CRPPA: variants seen among roughly 807,000 people sequenced by gnomAD.
CRPPA encodes the protein D-ribitol-5-phosphate cytidylyltransferase.
In CRPPA, 43 loss-of-function variants were observed where a neutral mutation model predicts 52.0. That is an observed-to-expected ratio of 0.83 (90% confidence interval 0.65 to 1.07). The LOEUF (loss-of-function observed/expected upper bound fraction) is 1.07. CRPPA is among the 50% of genes least tolerant of loss of function. CRPPA has a pLI of 0.00. For synonymous variants in CRPPA, 250 were observed against 203.5 expected (o/e 1.23, Z -1.94); for missense variants, 629 against 551.7 (o/e 1.14, Z -1.40).
chr7:16,217,966 A>G (rs955574575), intron 8 of CRPPA, among the ~76,000 whole-genome samples: 5 of 150,472 alleles, frequency 3.3e-5, no homozygotes, highest in African/African-American at 9.7e-5. Flanking sequence ...CCTCGAGAAG[A>G]GCAACTCCAA....
At chr7:16,145,831 T>G (rs1782964108) in intron 9 of CRPPA, among the ~76,000 whole-genome samples, 2 of 152,026 alleles carry the variant, frequency 1.3e-5, no homozygotes, top group African/African-American at 4.8e-5. Context: ...TGAAACATCA[T>G]CAAATTAAGC....
At chr7:16,153,380 T>C (rs1442386220) in intron 9 of CRPPA, among the ~76,000 whole-genome samples, 1 of 152,060 alleles carries the variant, frequency 6.6e-6, no homozygotes, top group Non-Finnish European at 1.5e-5. Flanking sequence ...CTAAAAGTTT[T>C]TTTAAAAAAA....
rs71007743 is a variant in CRPPA, at chr7:16,089,635, A to AT, written c.*2059dup. The AT allele has an allele frequency of 3.9e-4, 78 of 198,096 alleles. No homozygotes were observed. Among genetic ancestry groups the AT allele is most frequent in the South Asian group, 1.2e-3 (17 of 14,764 alleles). The allele number at this position is 198,096 out of a possible 1,614,324, so 12.3% of individuals were successfully genotyped here. A position where few individuals can be genotyped will look rare whatever the true frequency, so the allele number is the denominator to read the frequency against. Reference sequence around the variant, plus strand: ...TACATACATGTATATGTATGTATGTATTTTTTTTTCCCAATGCTGTGAATT... The same window carrying AT: ...TACATACATGTATATGTATGTATGTATTTTTTTTTTCCCAATGCTGTGAATT... On this transcript the variant is annotated 3_prime_UTR_variant, in exon 10 of 10. Transcript: ENST00000407010.
At chr7:16,131,590 T>G (rs1278276488) in intron 9 of CRPPA, among the ~76,000 whole-genome samples, 4 of 152,036 alleles carry the variant, frequency 2.6e-5, no homozygotes, top group African/African-American at 9.7e-5. Context: ...TCCACCTAGA[T>G]TTTTCTTTTT....
intron 3 of CRPPA, among the ~76,000 whole-genome samples, chr7:16,321,005 A>G (rs1785253832): frequency 6.6e-6 from 1 of 152,160 alleles, no homozygotes; most frequent in South Asian, 2.1e-4. Flanking sequence ...GGCAGAGACA[A>G]TTATATTCAC....
intron 9 of CRPPA, among the ~76,000 whole-genome samples, chr7:16,123,786 A>C (rs1037423130): frequency 2.6e-5 from 4 of 152,168 alleles, no homozygotes; most frequent in African/African-American, 4.8e-5. Context: ...AAAAACAGCT[A>C]AACAAACAAA....
At chr7:16,119,317 A>G (rs1210043186) in intron 9 of CRPPA, among the ~76,000 whole-genome samples, 1 of 152,154 alleles carries the variant, frequency 6.6e-6, no homozygotes, top group Non-Finnish European at 1.5e-5. Context: ...GCTGAATTGA[A>G]TCACACATCT....
rs369166577 is a variant in CRPPA, at chr7:16,334,145, A to C, written c.685-25518T>G. On this transcript the variant is annotated intron_variant, in intron 3 of 9. Coordinates refer to ENST00000407010, the MANE Select transcript of CRPPA (RefSeq NM_001101426.4). ...TTCTGGCCAAGGGTGGCACCACACC[A>C]GATAAACTAGCCAACTGAAGTGCAG... Among the ~76,000 whole-genome samples the C allele has an allele frequency of 3.3e-5, 5 of 152,200 alleles. No homozygotes were observed. The South Asian group carries it at 1.0e-3, about 32-fold the overall frequency.
At chr7:16,113,915 A>T (rs1782316293) in intron 9 of CRPPA, among the ~76,000 whole-genome samples, 1 of 152,072 alleles carries the variant, frequency 6.6e-6, no homozygotes, top group Non-Finnish European at 1.5e-5. Context: ...TAAAATAAGT[A>T]CATAAATCTA....
At chr7:16,236,732 A>T (rs549023140) in intron 8 of CRPPA, among the ~76,000 whole-genome samples, 1 of 151,976 alleles carries the variant, frequency 6.6e-6, no homozygotes, top group Non-Finnish European at 1.5e-5. Flanking sequence ...TTCTGTTTTT[A>T]TTTTTCAGAA....
At chr7:16,175,949 G>A (rs79205450) in intron 9 of CRPPA, among the ~76,000 whole-genome samples, 248 of 152,084 alleles carry the variant, frequency 1.6e-3, no homozygotes, top group Middle Eastern at 3.4e-3. Context: ...AAATATTTAG[G>A]AGTCATGAAT....
At chr7:16,379,604 G>T (rs183880699) in intron 2 of CRPPA, among the ~76,000 whole-genome samples, 1 of 152,154 alleles carries the variant, frequency 6.6e-6, no homozygotes, top group African/African-American at 2.4e-5. Flanking sequence ...TCACAATATT[G>T]ATTCCTCCTA....
At chr7:16,245,482 A>G (rs570937538) in intron 8 of CRPPA, among the ~76,000 whole-genome samples, 10 of 152,330 alleles carry the variant, frequency 6.6e-5, no homozygotes, top group Admixed American at 2.0e-4. Context: ...TGACAGGACA[A>G]TTCAAACACC....
rs751232682 is a variant in CRPPA at position 16,239,559 on chromosome 7, C to CAAAAAAAAAAA, written c.1119+18820_1119+18830dup. Among the ~76,000 whole-genome samples, 28 of 47,616 alleles carry CAAAAAAAAAAA rather than the reference C, an allele frequency of 5.9e-4. 1 individual carries two copies. The highest frequency in any genetic ancestry group is 1.3e-3 in the African/African-American group (17 of 13,286). 31.2% of individuals were successfully genotyped at this position (47,616 alleles called of 152,430 possible). On this transcript the variant is annotated intron_variant, in intron 8 of 9. Coordinates refer to ENST00000407010, the MANE Select transcript of CRPPA (RefSeq NM_001101426.4). The stretch of plus-strand genomic sequence containing the variant: ...CCATTATTTAAATAGAAGTCAATAG[C>CAAAAAAAAAAA]AAAAAAAAAAAAAAAAAAAAAAAAA...
At chr7:16,193,901 C>T (rs979292613) in intron 9 of CRPPA, among the ~76,000 whole-genome samples, 3 of 152,030 alleles carry the variant, frequency 2.0e-5, no homozygotes, top group South Asian at 2.1e-4. Context: ...TTAAGGAATC[C>T]AGGACTTTCC....
intron 6 of CRPPA, among the ~76,000 whole-genome samples, chr7:16,273,775 C>T (rs764900461): frequency 1.6e-4 from 25 of 152,152 alleles, no homozygotes; most frequent in Non-Finnish European, 3.1e-4. Flanking sequence ...ATGTAACACA[C>T]GTCCTCTGGG....
chr7:16,186,178 G>A (rs142671636), intron 9 of CRPPA, among the ~76,000 whole-genome samples: 89 of 152,312 alleles, frequency 5.8e-4, no homozygotes, highest in Non-Finnish European at 1.1e-3. Flanking sequence ...ATTATGGACT[G>A]AATGTATGTG....
At position 16,332,214 on chromosome 7, in the gene CRPPA, A is replaced by G. The variant is rs116586109; in HGVS notation, c.685-23587T>C. The stretch of plus-strand genomic sequence containing the variant: ...CTAGAATTCTATCTTCTGAAACTAT[A>G]CTTCAAAAGGGAAGGAGGAATAAAC... On this transcript the variant is annotated intron_variant, in intron 3 of 9. Transcript: ENST00000407010. 4.1e-3 allele frequency among the ~76,000 whole-genome samples: 628 copies of G among 152,298 alleles called. 8 individuals are homozygous for G. Among genetic ancestry groups the G allele is most frequent in the African/African-American group, 0.014 (592 of 41,580 alleles).
At chr7:16,317,729 A>C (rs2128426653) in intron 3 of CRPPA, among the ~76,000 whole-genome samples, 1 of 152,268 alleles carries the variant, frequency 6.6e-6, no homozygotes, top group South Asian at 2.1e-4. Flanking sequence ...TATGGGAGTG[A>C]GGTGCTTATT....
Sources: allele counts gnomAD v4.1 joint callset (sites outside exome capture counted in the v4.1 genomes callset), GRCh38; gene constraint gnomAD v4.1.1; transcripts MANE v1.5; gene names NCBI Gene and HGNC (gene_info 2026-07-23, HGNC 2026-07-21).